CAMKMT: variants seen among roughly 807,000 people sequenced by gnomAD.
CAMKMT encodes the protein calmodulin-lysine N-methyltransferase.
In CAMKMT, 53 loss-of-function variants were observed where a neutral mutation model predicts 48.0. The ratio of observed to expected loss-of-function variants is 1.10; its 90% CI spans 0.89 to 1.39. The LOEUF is 1.39. Among genes scored for constraint, CAMKMT ranks in the 40% most tolerant of loss-of-function variants. The probability of loss-of-function intolerance (pLI) is 0.00; values close to 1 mark genes in which losing one functional copy is unlikely to be tolerated. For synonymous variants in CAMKMT, 165 were observed against 152.3 expected, an observed-to-expected ratio of 1.08 and a Z score of -0.61; for missense variants, 428 against 402.7, an observed-to-expected ratio of 1.06 and a Z score of -0.54.
chr2:44,523,770 A>ATTT (rs70937920), intron 3 of CAMKMT, among the ~76,000 whole-genome samples: 37 of 89,874 alleles, frequency 4.1e-4, no homozygotes, highest in African/African-American at 7.3e-4. Flanking sequence ...GAGAGCGAGC[A>ATTT]TTTTTTTTTT....
At chr2:44,365,117 T>A (rs1416435184) in intron 1 of CAMKMT, among the ~76,000 whole-genome samples, 1 of 152,218 alleles carries the variant, frequency 6.6e-6, no homozygotes. Context: ...ATGCATCTAG[T>A]ACTGGAAAAC....
intron 3 of CAMKMT, among the ~76,000 whole-genome samples, chr2:44,509,970 G>A (rs1670457503): frequency 6.6e-6 from 1 of 152,108 alleles, no homozygotes; most frequent in African/African-American, 2.4e-5. Context: ...CCCAGGCTCA[G>A]GTATTCTGTT....
intron 3 of CAMKMT, among the ~76,000 whole-genome samples, chr2:44,451,587 T>A (rs955266384): frequency 1.3e-5 from 2 of 152,010 alleles, no homozygotes; most frequent in African/African-American, 4.8e-5. Flanking sequence ...AGAATCTGGC[T>A]GTAATCAAAA....
intron 3 of CAMKMT, among the ~76,000 whole-genome samples, chr2:44,457,688 G>T (rs930934343): frequency 6.6e-6 from 1 of 152,114 alleles, no homozygotes; most frequent in Non-Finnish European, 1.5e-5. Flanking sequence ...ATGAGCCACC[G>T]TGCCCGGCCC....
At chr2:44,535,352 T>G (rs1269871758) in intron 3 of CAMKMT, among the ~76,000 whole-genome samples, 1 of 152,062 alleles carries the variant, frequency 6.6e-6, no homozygotes, top group Non-Finnish European at 1.5e-5. Context: ...TTCCAAAAAA[T>G]GCAAGAGGAG....
At chr2:44,667,298 C>G (rs1416160491) in intron 3 of CAMKMT, among the ~76,000 whole-genome samples, 3 of 152,162 alleles carry the variant, frequency 2.0e-5, no homozygotes, top group South Asian at 2.1e-4. Flanking sequence ...CCGTGTTTAC[C>G]TCTATCACCA....
chr2:44,493,420 TTCTG>T (rs1374900399), intron 3 of CAMKMT, among the ~76,000 whole-genome samples: 2 of 152,218 alleles, frequency 1.3e-5, no homozygotes, highest in Non-Finnish European at 2.9e-5. Context: ...TTAGAAATCA[TTCTG>T]TCTTTCTCTG....
intron 3 of CAMKMT, among the ~76,000 whole-genome samples, chr2:44,523,316 A>AC (rs1219316434): frequency 7.1e-6 from 1 of 140,736 alleles, no homozygotes; most frequent in African/African-American, 2.7e-5. Flanking sequence ...TTTTGGAGAC[A>AC]GAGTCTCACT....
intron 3 of CAMKMT, among the ~76,000 whole-genome samples, chr2:44,466,684 A>T (rs915188561): frequency 7.9e-5 from 12 of 152,182 alleles, no homozygotes; most frequent in African/African-American, 2.9e-4. Context: ...ATAAATAAAA[A>T]GAGAATAAAA....
At chr2:44,526,495 G>C (rs546765281) in intron 3 of CAMKMT, among the ~76,000 whole-genome samples, 39 of 152,282 alleles carry the variant, frequency 2.6e-4, no homozygotes, top group African/African-American at 9.1e-4. Context: ...TATAGTTCCA[G>C]TCCAGGCCCT....
intron 3 of CAMKMT, among the ~76,000 whole-genome samples, chr2:44,550,065 G>A (rs1401847436): frequency 6.6e-6 from 1 of 152,168 alleles, no homozygotes; most frequent in East Asian, 1.9e-4. Flanking sequence ...CCTTGATAAA[G>A]AGCCAATACC....
intron 7 of CAMKMT, among the ~76,000 whole-genome samples, chr2:44,736,383 C>T (rs1380267434): frequency 2.6e-5 from 4 of 152,134 alleles, no homozygotes; most frequent in African/African-American, 7.2e-5. Context: ...AAAAAATATG[C>T]TGTCATCCTT....
chr2:44,372,412 C>G (rs1191411003), intron 1 of CAMKMT, among the ~76,000 whole-genome samples: 2 of 150,864 alleles, frequency 1.3e-5, no homozygotes, highest in Admixed American at 6.6e-5. Context: ...CTGAACCCAG[C>G]TGGGTGACAG....
intron 3 of CAMKMT, among the ~76,000 whole-genome samples, chr2:44,615,578 C>G (rs1338183154): frequency 1.3e-5 from 2 of 152,004 alleles, no homozygotes; most frequent in African/African-American, 4.8e-5. Flanking sequence ...GAGGAGGGTA[C>G]AGTTTTGGAG....
chr2:44,428,499 G>T (rs552060712), intron 3 of CAMKMT, among the ~76,000 whole-genome samples: 3 of 152,334 alleles, frequency 2.0e-5, no homozygotes, highest in African/African-American at 7.2e-5. Context: ...GCGGAGATGT[G>T]AAGTTCTCAT....
chr2:44,547,226 C>G (rs1667457337), intron 3 of CAMKMT, among the ~76,000 whole-genome samples: 1 of 152,096 alleles, frequency 6.6e-6, no homozygotes, highest in Non-Finnish European at 1.5e-5. Flanking sequence ...CTTATTGGGT[C>G]CTCTAGCAGT....
intron 3 of CAMKMT, among the ~76,000 whole-genome samples, chr2:44,654,476 A>G (rs1035845260): frequency 5.9e-5 from 9 of 152,130 alleles, no homozygotes; most frequent in Non-Finnish European, 1.0e-4. Flanking sequence ...AGACCTTTTT[A>G]CACATATTCA....
chr2:44,772,463 C>A lies in CAMKMT; in HGVS notation c.*350C>A. 1 of 176,900 alleles carries A rather than the reference C, an allele frequency of 5.7e-6. No individual in the cohort carries two copies. The highest frequency in any genetic ancestry group is 1.1e-5 in the Non-Finnish European group (1 of 88,992). The allele number at this position is 176,900 out of a possible 1,614,324, so 11.0% of individuals were successfully genotyped here. The stretch of plus-strand genomic sequence containing the variant: ...CTTTTGATGATACCCATCCCTCCTT[C>A]ATTTTTTTTTTTTTTTTGGTCTTTG... On this transcript the variant is annotated 3_prime_UTR_variant, in exon 11 of 11. Transcript: ENST00000378494.
intron 3 of CAMKMT, among the ~76,000 whole-genome samples, chr2:44,442,251 TAGTGGAG>T (rs1666711423): frequency 1.3e-5 from 2 of 152,314 alleles, no homozygotes; most frequent in East Asian, 3.9e-4. Flanking sequence ...TCTGTGGCTC[TAGTGGAG>T]AGCAGGTCAG....
Sources: allele counts gnomAD v4.1 joint callset (sites outside exome capture counted in the v4.1 genomes callset), GRCh38; gene constraint gnomAD v4.1.1; transcripts MANE v1.5; gene names NCBI Gene and HGNC (gene_info 2026-07-23, HGNC 2026-07-21).